RIN3: variants seen among roughly 807,000 people sequenced by gnomAD.
RIN3 encodes Ras and Rab interactor 3, also known as RAB5 interacting protein 3.
Under a neutral mutation model 76.3 loss-of-function variants are expected in RIN3, and 54 were observed. The ratio of observed to expected loss-of-function variants is 0.71; its 90% CI spans 0.57 to 0.89. The LOEUF is 0.89. RIN3 is among the 40% of genes least tolerant of loss of function. RIN3 has a pLI of 0.00. For missense variants in RIN3, 1,256 were observed against 1,322.1 expected, an observed-to-expected ratio of 0.95 and a Z score of 0.78; for synonymous variants, 576 against 564.0, an observed-to-expected ratio of 1.02 and a Z score of -0.30.
At chr14:92,576,657 C>G (rs1345654025) in intron 2 of RIN3, among the ~76,000 whole-genome samples, 1 of 152,150 alleles carries the variant, frequency 6.6e-6, no homozygotes, top group Non-Finnish European at 1.5e-5. Flanking sequence ...AGTCAGTCAT[C>G]ACACCAGCTG....
chr14:92,606,771 G>T (rs986791405), intron 3 of RIN3, among the ~76,000 whole-genome samples: 4 of 152,074 alleles, frequency 2.6e-5, no homozygotes, highest in Admixed American at 6.6e-5. Context: ...TGTTGACAAG[G>T]GCATGGAGAA....
In RIN3 at chr14:92,687,979, G is replaced by A; in HGVS notation, c.2685G>A (p.Ala895=). The A allele has an allele frequency of 1.3e-6, 2 of 1,560,720 alleles. No homozygotes were observed. The highest frequency in any genetic ancestry group is 8.7e-7 in the Non-Finnish European group (1 of 1,153,760). Residue 895 remains alanine (A), a synonymous_variant, in exon 10 of 10, where the codon GCG becomes GCA. Transcript: ENST00000216487. ...CCGAGCAGCAGGCGCGGACGCTGGCGTCGCGGGCGGACACCCAGGCCCAGG... is the reference window on the plus strand; with the variant it reads ...CCGAGCAGCAGGCGCGGACGCTGGCATCGCGGGCGGACACCCAGGCCCAGG... ...LEPEQQARTL[A]SRADTQAQAL... is the part of the protein sequence containing the mutation.
At chr14:92,560,202 T>G (rs752117256) in intron 2 of RIN3, among the ~76,000 whole-genome samples, 12 of 152,164 alleles carry the variant, frequency 7.9e-5, no homozygotes, top group Non-Finnish European at 1.6e-4. Flanking sequence ...CCCAGAGAAC[T>G]CTGCTACAAT....
At chr14:92,533,229 T>C in intron 1 of RIN3, among the ~76,000 whole-genome samples, 1 of 152,242 alleles carries the variant, frequency 6.6e-6, no homozygotes, top group Non-Finnish European at 1.5e-5. Context: ...TAGCCACTAG[T>C]CACATGTAGC....
intron 2 of RIN3, among the ~76,000 whole-genome samples, chr14:92,560,996 G>A (rs1259440584): frequency 1.0e-5 from 1 of 95,292 alleles, no homozygotes; most frequent in Non-Finnish European, 2.2e-5. Flanking sequence ...ACTCCAGCCT[G>A]GGCAACAAGA....
rs868832949 is a variant in RIN3 at position 92,547,129 on chromosome 14, T to A, written c.45-8622T>A. ...TAAATTATCTTTATTTTATTATTAT[T>A]ATAAAGTAAATTATCTTTATTTTAT... On this transcript the variant is annotated intron_variant, in intron 1 of 9. Transcript: ENST00000216487. Among the ~76,000 whole-genome samples the A allele has an allele frequency of 3.2e-4, 25 of 77,578 alleles. 5 individuals carry two copies. The highest frequency in any genetic ancestry group is 1.1e-3 in the East Asian group (5 of 4,352). The allele number at this position is 77,578 out of a possible 152,430, so 50.9% of individuals were successfully genotyped here.
At chr14:92,609,306 G>T (rs1885636901) in intron 3 of RIN3, among the ~76,000 whole-genome samples, 1 of 152,124 alleles carries the variant, frequency 6.6e-6, no homozygotes, top group South Asian at 2.1e-4. Flanking sequence ...CAGCCTTGAG[G>T]GTGAGTCACT....
intron 3 of RIN3, among the ~76,000 whole-genome samples, chr14:92,596,005 A>C (rs1885138445): frequency 1.3e-5 from 2 of 152,148 alleles, no homozygotes; most frequent in South Asian, 4.1e-4. Flanking sequence ...CTTTGTGTCC[A>C]TCTCCCCTTA....
intron 1 of RIN3, among the ~76,000 whole-genome samples, chr14:92,528,208 C>T (rs1404932855): frequency 1.3e-5 from 2 of 152,156 alleles, no homozygotes; most frequent in Non-Finnish European, 2.9e-5. Flanking sequence ...ATGGGTGTGC[C>T]CCGTGGGGGC....
chr14:92,576,828 A>G (rs1898254831), intron 2 of RIN3, among the ~76,000 whole-genome samples: 1 of 152,196 alleles, frequency 6.6e-6, no homozygotes, highest in African/African-American at 2.4e-5. Flanking sequence ...TATATTAAGT[A>G]TTAGCTATTT....
At chr14:92,554,398 G>A (rs1455854525) in intron 1 of RIN3, among the ~76,000 whole-genome samples, 1 of 152,058 alleles carries the variant, frequency 6.6e-6, no homozygotes, top group Non-Finnish European at 1.5e-5. Context: ...CTGTTTCTTG[G>A]GTCTGTGATC....
chr14:92,638,138 C>T (rs1210834553), intron 4 of RIN3, among the ~76,000 whole-genome samples: 2 of 152,278 alleles, frequency 1.3e-5, no homozygotes, highest in South Asian at 2.1e-4. Flanking sequence ...GAAGCAGAGA[C>T]GCATGAGACC....
chr14:92,563,222 G>A (rs1390977629), intron 2 of RIN3, among the ~76,000 whole-genome samples: 1 of 152,160 alleles, frequency 6.6e-6, no homozygotes, highest in Non-Finnish European at 1.5e-5. Context: ...ATAGCCAGGA[G>A]TAGTGGCAGG....
chr14:92,652,325 C>A lies in RIN3; in HGVS notation c.1276C>A (p.Pro426Thr). ...QGTSDGPEDTPRESTEQGQDT... is the reference protein window; with the variant it reads ...QGTSDGPEDTTRESTEQGQDT... ...GACCTCAGACGGCCCTGAGGACACG[C>A]CCCGGGAGAGCACGGAGCAAGGCCA... The change falls in exon 6 of 10, where the codon CCC becomes ACC. Residue 426 changes from proline (P) to threonine (T), a missense_variant. Physicochemically the swap from Pro to Thr is conservative, Grantham distance 38. This residue lies in a region of RIN3 where 610 missense variants were observed against 626.4 expected (regional missense o/e 0.97). Coordinates refer to ENST00000216487, the MANE Select transcript of RIN3 (RefSeq NM_024832.5). This position sits in a 1 kb window ranked among gnomAD's most constrained non-coding sequence, Gnocchi z 6.4. The A allele has an allele frequency of 6.2e-7, 1 of 1,604,488 alleles. No individual in the cohort carries two copies. The highest frequency in any genetic ancestry group is 8.5e-7 in the Non-Finnish European group (1 of 1,174,104).
In RIN3 at chr14:92,676,529, G is replaced by A. The variant is rs754628613; in HGVS notation, c.2390G>A (p.Arg797His). The A allele has an allele frequency of 4.4e-5, 71 of 1,614,102 alleles. No individual in the cohort carries two copies. The Admixed American group carries it at 4.7e-4, about 11-fold the overall frequency. The change falls in exon 8 of 10, where the codon CGC becomes CAC. Residue 797 changes from arginine (R) to histidine (H), a missense_variant. Around this residue, in one of 3 missense-constraint regions of RIN3, gnomAD observed 428 missense variants for 521.2 expected, o/e 0.82. Transcript: ENST00000216487. ...CCTGTGCTCATGTATGTGCTGGCCCGCAGCAACCTCACGGAGATGCTTCTC... is the reference window on the plus strand; with the variant it reads ...CCTGTGCTCATGTATGTGCTGGCCCACAGCAACCTCACGGAGATGCTTCTC... The part of the protein sequence containing the change: ...FLPVLMYVLA[R>H]SNLTEMLLNV...
intron 2 of RIN3, among the ~76,000 whole-genome samples, chr14:92,561,982 G>A (rs973274825): frequency 3.9e-5 from 6 of 152,182 alleles, no homozygotes; most frequent in African/African-American, 1.4e-4. Flanking sequence ...CACCATGCCT[G>A]GTCAGCTTTT....
intron 8 of RIN3, among the ~76,000 whole-genome samples, chr14:92,682,710 G>C (rs1232824446): frequency 6.6e-6 from 1 of 152,208 alleles, no homozygotes; most frequent in African/African-American, 2.4e-5. Context: ...TTATATCTAA[G>C]GGGCCACAGC....
At position 92,651,781 on chromosome 14, in the gene RIN3, C is replaced by T. The variant is rs1412353301; in HGVS notation, c.732C>T (p.Ser244=). The change falls in exon 6 of 10, where the codon AGC becomes AGT. Residue 244 remains serine (S), a synonymous_variant. Transcript: ENST00000216487. ...FVNPIFIEDC[S]SALPTDQPPL... ...ATCCTATTTTCATCGAGGACTGCAG[C>T]AGCGCCCTGCCCACCGACCAGCCAC... 3.1e-6 allele frequency: 5 copies of T among 1,613,874 alleles called. No homozygotes were observed. The highest frequency in any genetic ancestry group is 4.2e-6 in the Non-Finnish European group (5 of 1,179,952).
At chr14:92,583,807 G>A (rs540447255) in intron 3 of RIN3, among the ~76,000 whole-genome samples, 1 of 152,288 alleles carries the variant, frequency 6.6e-6, no homozygotes, top group East Asian at 1.9e-4. Context: ...CCACAGATGG[G>A]ATGGGGGATG....
Sources: allele counts gnomAD v4.1 joint callset (sites outside exome capture counted in the v4.1 genomes callset), GRCh38; gene constraint gnomAD v4.1.1; regional missense constraint gnomAD v4.1.1; non-coding constraint Gnocchi (gnomAD v3.1); transcripts MANE v1.5; gene names NCBI Gene and HGNC (gene_info 2026-07-23, HGNC 2026-07-21).